Variants in SLC1A6 observed in about 807,000 individuals in gnomAD.
The protein encoded by SLC1A6 is excitatory amino acid transporter 4.
A neutral mutation model predicts 42.1 loss-of-function variants in SLC1A6; 15 were observed. That is an observed-to-expected ratio of 0.36 (90% CI 0.24 to 0.55). The LOEUF (loss-of-function observed/expected upper bound fraction) is 0.55, where lower values mean the gene tolerates loss of function less well. SLC1A6 is among the 20% of genes least tolerant of loss of function. The pLI is 0.88. For synonymous variants in SLC1A6, 317 were observed against 319.7 expected (o/e 0.99, Z 0.09); for missense variants, 542 against 772.5 (o/e 0.70, Z 3.54).
intron 1 of SLC1A6, among the ~76,000 whole-genome samples, chr19:14,990,032 A>G (rs1379004008): frequency 1.3e-5 from 2 of 152,138 alleles, no homozygotes; most frequent in East Asian, 1.9e-4. Context: ...TCAAAAAGTT[A>G]AAATAGAATT....
chr19:15,010,499 G>C, exon 1 of SLC1A6: 1 of 566,238 alleles, frequency 1.8e-6, no homozygotes, highest in South Asian at 1.5e-5. Flanking sequence ...ATGCGACAGA[G>C]TGTGACCTGG....
chr19:14,963,157 A>C (rs2045534640), intron 5 of SLC1A6, among the ~76,000 whole-genome samples: 1 of 152,206 alleles, frequency 6.6e-6, no homozygotes, highest in South Asian at 2.1e-4. Flanking sequence ...TTGTGACAAG[A>C]GGGTTGAACC....
chr19:14,985,191 T>C (rs1190701223), intron 1 of SLC1A6, among the ~76,000 whole-genome samples: 1 of 152,230 alleles, frequency 6.6e-6, no homozygotes, highest in Admixed American at 6.5e-5. Flanking sequence ...TCATTGACAA[T>C]AATGACTGTG....
intron 7 of SLC1A6, among the ~76,000 whole-genome samples, chr19:14,955,489 G>T (rs2045453966): frequency 6.6e-6 from 1 of 151,888 alleles, no homozygotes; most frequent in African/African-American, 2.4e-5. Flanking sequence ...ACTGGAATCA[G>T]GCACCTGTGA....
At chr19:14,973,371 G>A (rs1040501185) in intron 1 of SLC1A6, 3 of 160,638 alleles carry the variant, frequency 1.9e-5, no homozygotes, top group African/African-American at 7.2e-5. Context: ...AGTGAGCTGT[G>A]ACTGCACCAC....
rs373316134 is a variant in SLC1A6, at chr19:14,971,830, G to A, written c.250C>T (p.Arg84Cys). 8.7e-6 allele frequency: 14 copies of A among 1,614,028 alleles called. No individual in the cohort carries two copies. Among genetic ancestry groups the A allele is most frequent in the African/African-American group, 4.0e-5 (3 of 74,930 alleles). The change falls in exon 3 of 10, where the codon CGC becomes TGC. Residue 84 changes from arginine to cysteine, a missense_variant. This residue lies in a region of SLC1A6 where 25 missense variants were observed against 32.3 expected (regional missense o/e 0.77). Coordinates refer to ENST00000594383, the MANE Select transcript of SLC1A6 (RefSeq NM_005071.3). The part of the protein sequence containing the change: ...FALRPYQLTY[R>C]QIKYFSFPGE... Reference sequence around the variant, plus strand: ...GGAAAAGAGAAGTACTTGATCTGGCGGTAGGTGAGCTGATATGGGCGCAGG... The same window carrying A: ...GGAAAAGAGAAGTACTTGATCTGGCAGTAGGTGAGCTGATATGGGCGCAGG...
intron 1 of SLC1A6, among the ~76,000 whole-genome samples, chr19:15,003,723 C>G (rs2145243398): frequency 6.6e-6 from 1 of 151,790 alleles, no homozygotes; most frequent in South Asian, 2.1e-4. Flanking sequence ...GGTGCTCCTT[C>G]TTCATCCATT....
intron 1 of SLC1A6, among the ~76,000 whole-genome samples, chr19:14,988,848 T>C (rs1318031800): frequency 6.6e-6 from 1 of 151,906 alleles, no homozygotes; most frequent in Admixed American, 6.6e-5. Flanking sequence ...CAAGATCCCA[T>C]CTCTACAAAA....
upstream of SLC1A6, among the ~76,000 whole-genome samples, chr19:14,982,918 CTG>C (rs546870785): frequency 1.0e-3 from 157 of 152,262 alleles, no homozygotes; most frequent in African/African-American, 3.7e-3. Flanking sequence ...CGAAAAATAA[CTG>C]TATTTTCCAA....
intron 1 of SLC1A6, among the ~76,000 whole-genome samples, chr19:14,997,136 AG>A (rs2045851372): frequency 6.6e-6 from 1 of 152,082 alleles, no homozygotes; most frequent in Admixed American, 6.5e-5. Flanking sequence ...GACAAAACTC[AG>A]TCATCCCTCT....
chr19:15,005,813 C>T (rs1165187546), intron 1 of SLC1A6, among the ~76,000 whole-genome samples: 1 of 152,170 alleles, frequency 6.6e-6, no homozygotes, highest in Non-Finnish European at 1.5e-5. Context: ...TGCATTTCAC[C>T]AGAGAGCCAT....
intron 6 of SLC1A6, among the ~76,000 whole-genome samples, chr19:14,959,152 A>C (rs2045487715): frequency 6.6e-6 from 1 of 152,174 alleles, no homozygotes; most frequent in Admixed American, 6.5e-5. Flanking sequence ...TCTGTGCTGG[A>C]TGTGCTCACA....
intron 9 of SLC1A6, among the ~76,000 whole-genome samples, chr19:14,952,414 G>C (rs2045421894): frequency 1.3e-5 from 2 of 151,646 alleles, no homozygotes; most frequent in Admixed American, 6.6e-5. Context: ...AAATTAGCCA[G>C]GCATGGTGGC....
At chr19:14,975,765 A>T (rs1482244970) in intron 1 of SLC1A6, among the ~76,000 whole-genome samples, 1 of 15,104 alleles carries the variant, frequency 6.6e-5, no homozygotes, top group Non-Finnish European at 1.3e-4. Context: ...AAAAAAAAAA[A>T]GGAAAAAAAA....
intron 4 of SLC1A6, among the ~76,000 whole-genome samples, chr19:14,967,524 CA>C (rs1451982126): frequency 6.6e-6 from 1 of 152,114 alleles, no homozygotes; most frequent in Non-Finnish European, 1.5e-5. Context: ...ACAACTAACC[CA>C]CATTAATGTT....
chr19:14,959,615 C>T (rs1351012401), intron 6 of SLC1A6, among the ~76,000 whole-genome samples: 1 of 152,190 alleles, frequency 6.6e-6, no homozygotes, highest in Non-Finnish European at 1.5e-5. Context: ...AAGTCTTCTC[C>T]CATTTGGGAT....
At chr19:14,995,652 G>A (rs8109250) in intron 1 of SLC1A6, among the ~76,000 whole-genome samples, 50,287 of 151,830 alleles carry the variant, frequency 0.33, 8,495 homozygotes, top group Non-Finnish European at 0.35. Flanking sequence ...ACGATAAAAC[G>A]TTATGCTATA....
intron 1 of SLC1A6, chr19:14,974,234 G>A (rs3827004): frequency 0.03 from 4,601 of 152,122 alleles, 202 homozygotes; most frequent in East Asian, 0.22. Flanking sequence ...GCAGGTGCCT[G>A]TAGTCCCAAC....
intron 1 of SLC1A6, among the ~76,000 whole-genome samples, chr19:15,003,660 C>CAAAAA (rs371118940): frequency 9.9e-4 from 121 of 121,876 alleles, no homozygotes; most frequent in East Asian, 2.9e-3. Flanking sequence ...CATGTAATGC[C>CAAAAA]AAAAAAAAAA....
Sources: allele counts gnomAD v4.1 joint callset (sites outside exome capture counted in the v4.1 genomes callset), GRCh38; gene constraint gnomAD v4.1.1; regional missense constraint gnomAD v4.1.1; transcripts MANE v1.5; gene names NCBI Gene and HGNC (gene_info 2026-07-23, HGNC 2026-07-21).